The following TNKS2 variants were observed in gnomAD, a reference collection of about 807,000 sequenced individuals.
TNKS2 encodes tankyrase 2, also known as poly [ADP-ribose] polymerase tankyrase-2.
In TNKS2, 72 loss-of-function variants were observed where a neutral mutation model predicts 137.6. The observed-to-expected ratio is 0.52, with a 90% CI of 0.43 to 0.64. TNKS2 has a LOEUF of 0.64. Ranked by LOEUF, TNKS2 falls within the 30% of genes least tolerant of loss-of-function variation. The probability of loss-of-function intolerance (pLI) is 0.00; values close to 1 mark genes in which losing one functional copy is unlikely to be tolerated. For missense variants in TNKS2, 1,049 were observed against 1,410.2 expected, an observed-to-expected ratio of 0.74 and a Z score of 4.10; for synonymous variants, 516 against 512.1, an observed-to-expected ratio of 1.01 and a Z score of -0.10.
chr10:91,854,050 TTG>T (rs1351909842), intron 21 of TNKS2, among the ~76,000 whole-genome samples: 1 of 152,222 alleles, frequency 6.6e-6, no homozygotes, highest in Non-Finnish European at 1.5e-5. Flanking sequence ...ATCTTGATCA[TTG>T]ACATTTGGAA....
intron 9 of TNKS2, 76 bp downstream of exon 9, chr10:91,828,482 G>C: frequency 3.0e-6 from 4 of 1,326,654 alleles, no homozygotes; most frequent in Non-Finnish European, 3.0e-6. Context: ...CCTACTTTTA[G>C]AACTAGCATT....
At chr10:91,835,999 C>CGG (rs1842001452) in intron 12 of TNKS2, among the ~76,000 whole-genome samples, 1 of 90,322 alleles carries the variant, frequency 1.1e-5, no homozygotes, top group South Asian at 4.1e-4. Flanking sequence ...CATAAGAATA[C>CGG]CGTGTGTGTG....
intron 9 of TNKS2, 69 bp from the exon 10 acceptor site, chr10:91,830,849 TGATTG>T: frequency 2.4e-6 from 3 of 1,247,462 alleles, no homozygotes; most frequent in Middle Eastern, 2.7e-4. Flanking sequence ...TGATTGTTCT[TGATTG>T]GAAACACGAA....
chr10:91,828,337 T>G lies in TNKS2; in HGVS notation c.1035T>G (p.Thr345=), dbSNP rs1589665921. The change falls in exon 9 of 27, where the codon ACT becomes ACG. Residue 345 remains threonine, a synonymous_variant. Transcript: ENST00000371627. ...LLQAAREADV[T]RIKKHLSLEM... is the part of the protein sequence containing the mutation. Reference sequence around the variant, plus strand: ...AAGCTGCACGAGAAGCTGATGTTACTCGAATCAAAAAACATCTCTCTCTGG... The same window carrying G: ...AAGCTGCACGAGAAGCTGATGTTACGCGAATCAAAAAACATCTCTCTCTGG... 3 of 1,608,774 alleles carry G rather than the reference T, an allele frequency of 1.9e-6. No homozygotes were observed. Among genetic ancestry groups the G allele is most frequent in the Admixed American group, 1.7e-5 (1 of 59,002 alleles).
intron 13 of TNKS2, among the ~76,000 whole-genome samples, chr10:91,839,423 A>G (rs1304638546): frequency 1.3e-5 from 2 of 151,824 alleles, no homozygotes; most frequent in Non-Finnish European, 2.9e-5. Flanking sequence ...ACTCACTGCA[A>G]CGTCTGCCTC....
intron 23 of TNKS2, 32 bp from the exon 24 acceptor site, chr10:91,857,393 A>G: frequency 6.6e-7 from 1 of 1,515,582 alleles, no homozygotes; most frequent in Non-Finnish European, 9.0e-7. Context: ...GTAATTCCTA[A>G]AGATTTGATT....
chr10:91,806,832 A>T (rs1844338837), intron 1 of TNKS2, among the ~76,000 whole-genome samples: 1 of 152,242 alleles, frequency 6.6e-6, no homozygotes, highest in African/African-American at 2.4e-5. Flanking sequence ...GGAAAGATGA[A>T]CTAAATTTAA....
chr10:91,828,684 C>T (rs1845142777), intron 9 of TNKS2, among the ~76,000 whole-genome samples: 1 of 152,028 alleles, frequency 6.6e-6, no homozygotes, highest in Non-Finnish European at 1.5e-5. Flanking sequence ...ATAAGTGATA[C>T]ATATAGTTTG....
intron 19 of TNKS2, among the ~76,000 whole-genome samples, chr10:91,849,191 G>A (rs1842469253): frequency 6.6e-6 from 1 of 152,160 alleles, no homozygotes; most frequent in Non-Finnish European, 1.5e-5. Flanking sequence ...CCCACCTTAT[G>A]CAACAGTGTG....
intron 23 of TNKS2, among the ~76,000 whole-genome samples, chr10:91,856,230 A>G (rs1842699838): frequency 6.6e-6 from 1 of 152,196 alleles, no homozygotes. Context: ...AACTTTTTCA[A>G]CATTATGTTT....
At chr10:91,848,761 T>C (rs1842457938) in intron 19 of TNKS2, 126 bp downstream of exon 19, 2 of 1,082,284 alleles carry the variant, frequency 1.8e-6, no homozygotes, top group Admixed American at 4.9e-5. Flanking sequence ...TAACATAGCC[T>C]TAAAAAGGTT....
At chr10:91,854,294 A>G (rs1479723309) in intron 21 of TNKS2, among the ~76,000 whole-genome samples, 3 of 152,226 alleles carry the variant, frequency 2.0e-5, no homozygotes, top group African/African-American at 4.8e-5. Flanking sequence ...TTACAAACTC[A>G]TTAAGAATAG....
At chr10:91,826,095 A>T (rs916025198) in intron 7 of TNKS2, among the ~76,000 whole-genome samples, 9 of 152,246 alleles carry the variant, frequency 5.9e-5, no homozygotes, top group Non-Finnish European at 1.0e-4. Flanking sequence ...TATATACTAC[A>T]TAATGAGAAA....
At chr10:91,800,089 T>C (rs1020882093) in intron 1 of TNKS2, among the ~76,000 whole-genome samples, 9 of 152,238 alleles carry the variant, frequency 5.9e-5, no homozygotes. Flanking sequence ...AATTGCACCT[T>C]TGTTGGATTT....
rs60740730 is a variant in TNKS2, at chr10:91,830,490, T to A, written c.1105-433T>A. On this transcript the variant is annotated intron_variant, in intron 9 of 26. Coordinates refer to ENST00000371627, the MANE Select transcript of TNKS2 (RefSeq NM_025235.4). ...GCCTCGGCCTCCCAAAGTGCTGGGA[T>A]TACAGGCCTGAGCCACTGTGCCCGG... is the stretch of plus-strand genomic sequence containing the variant. Among the ~76,000 whole-genome samples, 683 of 152,324 alleles carry A rather than the reference T, an allele frequency of 4.5e-3. 11 individuals are homozygous for A. The highest frequency in any genetic ancestry group is 0.01 in the East Asian group (53 of 5,186).
At chr10:91,828,725 A>C (rs1041232522) in intron 9 of TNKS2, among the ~76,000 whole-genome samples, 1 of 152,234 alleles carries the variant, frequency 6.6e-6, no homozygotes, top group Non-Finnish European at 1.5e-5. Flanking sequence ...ATGAATGCTT[A>C]GGTTAGAAAA....
Position 91,819,977 on chromosome 10 carries a change from A to T in TNKS2, c.672A>T (p.Val224=), listed in dbSNP as rs1844832971. 1 of 1,593,842 alleles carries T rather than the reference A, an allele frequency of 6.3e-7. No homozygotes were observed. Among genetic ancestry groups the T allele is most frequent in the African/African-American group, 1.3e-5 (1 of 74,156 alleles). ...ATTTGGCAGCAGGATATAACAGAGT[A>T]AAGATTGTACAGCTGTTACTGCAAC... ...PLHLAAGYNR[V]KIVQLLLQHG... The change falls in exon 6 of 27, where the codon GTA becomes GTT. Residue 224 remains valine (V), a synonymous_variant. Transcript: ENST00000371627.
intron 3 of TNKS2, among the ~76,000 whole-genome samples, chr10:91,818,647 C>T (rs1334646921): frequency 6.6e-6 from 1 of 152,102 alleles, no homozygotes; most frequent in Admixed American, 6.6e-5. Context: ...ATCCTCCAAC[C>T]TCAGTCTCCT....
intron 2 of TNKS2, among the ~76,000 whole-genome samples, chr10:91,816,035 G>A (rs970376384): frequency 2.1e-5 from 3 of 141,378 alleles, no homozygotes; most frequent in Admixed American, 7.8e-5. Context: ...TGCAAGCTCC[G>A]CCTCCCGGGT....
Sources: gnomAD v4.1 joint callset for allele counts (sites outside exome capture counted in the v4.1 genomes callset) on GRCh38, gnomAD v4.1.1 for gene constraint, MANE v1.5 for transcripts, NCBI Gene and HGNC (gene_info 2026-07-23, HGNC 2026-07-21) for gene names.